The following PI4KA variants were observed in gnomAD, a reference collection of about 807,000 sequenced individuals.
The protein encoded by PI4KA is phosphatidylinositol 4-kinase alpha.
A neutral mutation model predicts 271.4 loss-of-function variants in PI4KA; 122 were observed. The ratio of observed to expected loss-of-function variants is 0.45; its 90% confidence interval spans 0.39 to 0.52. PI4KA has a LOEUF of 0.52. Ranked by LOEUF, PI4KA falls within the 20% of genes least tolerant of loss-of-function variation. The pLI is 0.00. For synonymous variants in PI4KA, 1,041 were observed against 1,078.8 expected, an observed-to-expected ratio of 0.96 and a Z score of 0.69; for missense variants, 1,969 against 2,769.1, an observed-to-expected ratio of 0.71 and a Z score of 6.48.
intron 3 of PI4KA, among the ~76,000 whole-genome samples, chr22:20,828,092 CTG>C (rs1485154182): frequency 6.6e-6 from 1 of 152,098 alleles, no homozygotes; most frequent in East Asian, 1.9e-4. Context: ...CTATGCCCGA[CTG>C]GTATTTTATT....
intron 27 of PI4KA, among the ~76,000 whole-genome samples, chr22:20,750,300 G>C (rs1930530058): frequency 6.6e-6 from 1 of 152,218 alleles, no homozygotes; most frequent in African/African-American, 2.4e-5. Flanking sequence ...AACACGTAAA[G>C]ACACAGGGAG....
intron 1 of PI4KA, among the ~76,000 whole-genome samples, chr22:20,844,939 C>A (rs369982591): frequency 6.6e-6 from 1 of 152,046 alleles, no homozygotes; most frequent in Non-Finnish European, 1.5e-5. Flanking sequence ...CAGAATTTTA[C>A]AATAAACTAG....
chr22:20,779,483 C>A (rs146517069), intron 19 of PI4KA: 1 of 1,614,108 alleles, frequency 6.2e-7, no homozygotes, highest in Admixed American at 1.7e-5. Flanking sequence ...TTCTCCCTGC[C>A]GACTTCCACA....
chr22:20,854,738 A>G (rs362097), intron 1 of PI4KA, among the ~76,000 whole-genome samples: 1 of 40,990 alleles, frequency 2.4e-5, no homozygotes, highest in Admixed American at 3.0e-4. Context: ...AATAGAAGCA[A>G]AGAGAAGGGG....
rs766239345 is a variant in PI4KA, at chr22:20,712,537, G to A, written c.5751C>T (p.Tyr1917=). The part of the protein sequence containing the change: ...QLGRQTDFGM[Y]DYFTRQYGDE... Reference sequence around the variant, plus strand: ...CCCCGTACTGGCGTGTGAAGTAGTCGTACATGCCGAAGTCTGTCTGGCGGC... The same window carrying A: ...CCCCGTACTGGCGTGTGAAGTAGTCATACATGCCGAAGTCTGTCTGGCGGC... The change falls in exon 50 of 55, where the codon TAC becomes TAT. Residue 1917 remains tyrosine (Y), a synonymous_variant. Transcript: ENST00000255882. The A allele has an allele frequency of 3.8e-5, 61 of 1,600,148 alleles. No individual in the cohort carries two copies. In the East Asian group the frequency reaches 7.7e-4, roughly 20 times the overall value.
At chr22:20,710,912 G>C in intron 51 of PI4KA, 54 bp from the exon 52 acceptor site, 1 of 1,601,934 alleles carries the variant, frequency 6.2e-7, no homozygotes, top group South Asian at 1.1e-5. Flanking sequence ...GGCGGGCAAG[G>C]ACAAGTGGTC....
At chr22:20,794,922 G>A (rs545555163) in intron 18 of PI4KA, among the ~76,000 whole-genome samples, 3 of 152,330 alleles carry the variant, frequency 2.0e-5, no homozygotes, top group African/African-American at 7.2e-5. Flanking sequence ...AGTTACAACA[G>A]AAGCTGTATG....
In PI4KA at chr22:20,820,544, T is replaced by C. The variant is rs1345467672; in HGVS notation, c.524A>G (p.Asp175Gly). ...AACCTTAAGGATACTCGTACCTTTG[T>C]CTTGAATCTCCAAGGCCTGGCACAT... is the stretch of plus-strand genomic sequence containing the variant. ...LGMCQALEIQDKEYLCKYAIP... is the reference protein window; with the variant it reads ...LGMCQALEIQGKEYLCKYAIP... Residue 175 changes from aspartate to glycine, a missense_variant, in exon 5 of 55, where the codon GAC (aspartate) becomes GGC (glycine). This residue lies in a region of PI4KA where 540 missense variants were observed against 555.5 expected (regional missense o/e 0.97). Coordinates refer to ENST00000255882, the MANE Select transcript of PI4KA (RefSeq NM_058004.4). 2 of 1,603,460 alleles carry C rather than the reference T, an allele frequency of 1.2e-6. No homozygotes were observed. The highest frequency in any genetic ancestry group is 1.7e-6 in the Non-Finnish European group (2 of 1,172,494).
intron 22 of PI4KA, among the ~76,000 whole-genome samples, chr22:20,764,078 A>C (rs1932270803): frequency 6.6e-6 from 1 of 152,190 alleles, no homozygotes; most frequent in African/African-American, 2.4e-5. Flanking sequence ...ACTTATTTGC[A>C]TCCCTCCCGA....
intron 1 of PI4KA, among the ~76,000 whole-genome samples, chr22:20,857,071 ACTAT>A (rs775844104): frequency 2.4e-4 from 37 of 152,252 alleles, no homozygotes; most frequent in Non-Finnish European, 1.3e-4. Context: ...CATTAGTCAG[ACTAT>A]CTAATGATAA....
At chr22:20,753,748 G>A (rs1023818951) in intron 23 of PI4KA, among the ~76,000 whole-genome samples, 2 of 151,834 alleles carry the variant, frequency 1.3e-5, no homozygotes, top group Non-Finnish European at 2.9e-5. Flanking sequence ...GTGTGGTGGC[G>A]CGATCTTGGC....
chr22:20,855,101 G>A (rs1273342268), intron 1 of PI4KA, among the ~76,000 whole-genome samples: 5 of 149,916 alleles, frequency 3.3e-5, no homozygotes, highest in Admixed American at 1.3e-4. Flanking sequence ...GCAGTGAACC[G>A]AGATCATGCC....
rs189198855 is a variant in PI4KA at position 20,740,340 on chromosome 22, A to C, written c.3741+1888T>G. ...AAAAAGACTACAGAGAATGTCGATGATCTATGGGACAATACCAAGTCACTA... is the reference window on the plus strand; with the variant it reads ...AAAAAGACTACAGAGAATGTCGATGCTCTATGGGACAATACCAAGTCACTA... On this transcript the variant is annotated intron_variant, in intron 32 of 54. Coordinates refer to ENST00000255882, the MANE Select transcript of PI4KA (RefSeq NM_058004.4). 1.4e-3 allele frequency among the ~76,000 whole-genome samples: 217 copies of C among 151,768 alleles called. 1 individual carries two copies. The highest frequency in any genetic ancestry group is 2.7e-3 in the Non-Finnish European group (184 of 67,938).
chr22:20,836,094 CA>C (rs1238817630), intron 2 of PI4KA, among the ~76,000 whole-genome samples: 1 of 150,634 alleles, frequency 6.6e-6, no homozygotes, highest in African/African-American at 2.4e-5. Context: ...CAAAAAACAA[CA>C]AAAAAACATG....
intron 18 of PI4KA, among the ~76,000 whole-genome samples, chr22:20,795,118 T>C (rs952539752): frequency 2.6e-5 from 4 of 152,288 alleles, no homozygotes; most frequent in South Asian, 2.1e-4. Flanking sequence ...GTGGGATACA[T>C]TGGGGTTTTT....
In PI4KA at chr22:20,801,161, A is replaced by G. The variant is rs564413169; in HGVS notation, c.1724+812T>C. Among the ~76,000 whole-genome samples the G allele has an allele frequency of 9.9e-5, 15 of 151,124 alleles. No individual in the cohort carries two copies. The South Asian group carries it at 3.2e-3, about 32-fold the overall frequency. On this transcript the variant is annotated intron_variant, in intron 14 of 54. Transcript: ENST00000255882. ...TGCCTCGGCCTCCCAAGTAGCTGGG[A>G]TTACAGGCTTGAGCCACCACACCAG...
intron 42 of PI4KA, among the ~76,000 whole-genome samples, chr22:20,724,604 TAAAAC>T (rs892749949): frequency 1.3e-4 from 20 of 152,122 alleles, no homozygotes; most frequent in African/African-American, 4.6e-4. Context: ...AGACTCTGTC[TAAAAC>T]AAAACAAAAC....
In PI4KA at chr22:20,802,055, T is replaced by G; in HGVS notation, c.1642A>C (p.Thr548Pro). 1.2e-6 allele frequency: 2 copies of G among 1,614,064 alleles called. No homozygotes were observed. Among genetic ancestry groups the G allele is most frequent in the Non-Finnish European group, 1.7e-6 (2 of 1,179,978 alleles). The change falls in exon 14 of 55, where the codon ACC becomes CCC. Residue 548 changes from threonine (T) to proline (P), a missense_variant. This residue lies in a region of PI4KA where 228 missense variants were observed against 261.6 expected (regional missense o/e 0.87). Transcript: ENST00000255882. The part of the protein sequence containing the change: ...ISVTNEHSES[T>P]LNVMSGKKSQ... ...TTCTTACCCGACATGACGTTCAGGG[T>G]TGACTCGGAATGCTCATTGGTCACA...
chr22:20,831,574 CAAACAAAAACAAAAACAA>C (rs927741986), intron 3 of PI4KA, among the ~76,000 whole-genome samples: 3 of 142,922 alleles, frequency 2.1e-5, no homozygotes, highest in Non-Finnish European at 4.5e-5. Context: ...TCTCAAAACA[CAAACAAAAACAAAAACAA>C]AAACAAAAAC....
Sources: gnomAD v4.1 joint callset for allele counts (sites outside exome capture counted in the v4.1 genomes callset) on GRCh38, gnomAD v4.1.1 for gene constraint, gnomAD v4.1.1 regional missense constraint, MANE v1.5 for transcripts, NCBI Gene and HGNC (gene_info 2026-07-23, HGNC 2026-07-21) for gene names.